PLXNA4: variants seen among roughly 807,000 people sequenced by gnomAD.
PLXNA4 encodes the protein plexin A4, also known as plexin-A4.
PLXNA4 carries 44 observed loss-of-function variants against 191.8 expected under a neutral mutation model. The observed-to-expected ratio is 0.23, with a 90% CI of 0.18 to 0.29. The LOEUF is 0.29. Among genes scored for constraint, PLXNA4 ranks in the 10% least tolerant of loss-of-function variants. The pLI, the probability that PLXNA4 is intolerant of heterozygous loss-of-function variation, is 1.00. For missense variants in PLXNA4, 1,800 were observed against 2,488.8 expected (o/e 0.72, Z 5.89); for synonymous variants, 1,082 against 1,009.5 (o/e 1.07, Z -1.36).
intron 4 of PLXNA4, among the ~76,000 whole-genome samples, chr7:132,256,585 G>T (rs2116199935): frequency 6.6e-6 from 1 of 152,252 alleles, no homozygotes; most frequent in Middle Eastern, 3.4e-3. Flanking sequence ...AGGTTAATTG[G>T]CTCCAAACTT....
intron 1 of PLXNA4, among the ~76,000 whole-genome samples, chr7:132,566,405 C>A (rs892487485): frequency 3.9e-5 from 6 of 152,126 alleles, no homozygotes; most frequent in Non-Finnish European, 7.3e-5. Context: ...AGGTCACTAC[C>A]CAGTGGTGGA....
intron 3 of PLXNA4, among the ~76,000 whole-genome samples, chr7:132,359,450 C>T (rs968505272): frequency 3.3e-5 from 5 of 152,038 alleles, no homozygotes; most frequent in African/African-American, 1.2e-4. Context: ...CTCCTGACCT[C>T]AAGTGATCTG....
rs547719651 is a variant in PLXNA4 at position 132,150,699 on chromosome 7, A to C, written c.4661-2053T>G. 2.0e-5 allele frequency among the ~76,000 whole-genome samples: 3 copies of C among 152,366 alleles called. 1 individual carries two copies. The South Asian group carries it at 6.2e-4, about 32-fold the overall frequency. On this transcript the variant is annotated intron_variant, in intron 25 of 31. Coordinates refer to ENST00000321063, the MANE Select transcript of PLXNA4 (RefSeq NM_020911.2). Reference sequence around the variant, plus strand: ...GGTGCCAGTGGAGAGACAGCCCTCTAGCTTAGCAACTGCAAGGGCACTGCT... The same window carrying C: ...GGTGCCAGTGGAGAGACAGCCCTCTCGCTTAGCAACTGCAAGGGCACTGCT...
At chr7:132,273,222 CATTGGAACCTAATGTTGGGGGAAA>C (rs1800142092) in intron 4 of PLXNA4, among the ~76,000 whole-genome samples, 1 of 152,142 alleles carries the variant, frequency 6.6e-6, no homozygotes, top group East Asian at 1.9e-4. Context: ...AAAGTGGAAG[CATTGGAACCTAATGTTGGGGGAAA>C]ATATAATACA....
At chr7:132,532,073 T>A (rs76839838) in intron 1 of PLXNA4, among the ~76,000 whole-genome samples, 5,142 of 152,298 alleles carry the variant, frequency 0.034, 236 homozygotes, top group African/African-American at 0.1. Flanking sequence ...CACCCCAGTG[T>A]TCCAGATGCT....
chr7:132,433,032 G>T (rs921280060), intron 3 of PLXNA4, among the ~76,000 whole-genome samples: 1 of 152,144 alleles, frequency 6.6e-6, no homozygotes, highest in Non-Finnish European at 1.5e-5. Context: ...ACACATAGGA[G>T]GTTTCTGTCT....
chr7:132,310,509 G>C (rs145601551), intron 3 of PLXNA4, among the ~76,000 whole-genome samples: 39 of 152,308 alleles, frequency 2.6e-4, no homozygotes, highest in African/African-American at 8.9e-4. Context: ...CATCCTCAGA[G>C]ACTATCTTCC....
rs144384812 is a variant in PLXNA4, at chr7:132,365,364, T to TGCGTGCGCGCGCGTGCGTGCGCGC, written c.1372-67143_1372-67142insGCGCGCACGCACGCGCGCGCACGC. ...GTGTGTGTGTGTGTGTGTGTGTGCG[T>TGCGTGCGCGCGCGTGCGTGCGCGC]GCGCGCGCATGCATGGGGCAAGAGT... On this transcript the variant is annotated intron_variant, in intron 3 of 31. Transcript: ENST00000321063. Among the ~76,000 whole-genome samples the TGCGTGCGCGCGCGTGCGTGCGCGC allele has an allele frequency of 8.8e-5, 13 of 147,214 alleles. 1 individual carries two copies. Among genetic ancestry groups the TGCGTGCGCGCGCGTGCGTGCGCGC allele is most frequent in the African/African-American group, 3.3e-4 (13 of 39,340 alleles).
intron 22 of PLXNA4, among the ~76,000 whole-genome samples, chr7:132,168,030 A>C (rs1796171902): frequency 6.6e-6 from 1 of 152,212 alleles, no homozygotes; most frequent in African/African-American, 2.4e-5. Context: ...GGTCAAGATT[A>C]AGTAGAAGGG....
chr7:132,489,406 C>T lies in PLXNA4; in HGVS notation c.1257G>A (p.Val419=). Residue 419 remains valine, a synonymous_variant, in exon 3 of 32, where the codon GTG becomes GTA. Coordinates refer to ENST00000321063, the MANE Select transcript of PLXNA4 (RefSeq NM_020911.2). ...MNAPLGVSDM[V]RGIPVFTEDR... The stretch of plus-strand genomic sequence containing the variant: ...CCTCCGTGAAGACGGGAATTCCACG[C>T]ACCATGTCGGACACTCCCAGGGGAG... The T allele has an allele frequency of 6.2e-7, 1 of 1,605,838 alleles. No individual in the cohort carries two copies. The highest frequency in any genetic ancestry group is 8.5e-7 in the Non-Finnish European group (1 of 1,172,984).
chr7:132,309,744 A>C (rs1016203797), intron 3 of PLXNA4, among the ~76,000 whole-genome samples: 1 of 152,130 alleles, frequency 6.6e-6, no homozygotes, highest in African/African-American at 2.4e-5. Flanking sequence ...GGCCCAAAGA[A>C]AACAGAAGTA....
At chr7:132,621,931 T>C (rs1803276008) in intron 2 of PLXNA4, among the ~76,000 whole-genome samples, 1 of 152,252 alleles carries the variant, frequency 6.6e-6, no homozygotes, top group Non-Finnish European at 1.5e-5. Flanking sequence ...ACTCTATTTC[T>C]TGCCCTCTTC....
chr7:132,185,305 A>G lies in PLXNA4; in HGVS notation c.3152T>C (p.Ile1051Thr). ...CGCTTGGGCCAGCTCCTACCTGACA[A>G]TGCTCCATTCTGGCTCAATCCGCAC... ...TIVRIEPEWS[I>T]VSGNTPIAVW... The change falls in exon 16 of 32, where the codon ATT (isoleucine) becomes ACT (threonine). Residue 1051 changes from isoleucine to threonine, a missense_variant. Ile to Thr is a moderately conservative substitution (Grantham distance 89). Around this residue, in one of 6 missense-constraint regions of PLXNA4, gnomAD observed 1,397 missense variants for 1,880.4 expected, o/e 0.74. Coordinates refer to ENST00000321063, the MANE Select transcript of PLXNA4 (RefSeq NM_020911.2). 1 of 1,612,426 alleles carries G rather than the reference A, an allele frequency of 6.2e-7. No homozygotes were observed. The highest frequency in any genetic ancestry group is 8.5e-7 in the Non-Finnish European group (1 of 1,179,214).
In PLXNA4 at chr7:132,133,211, T is replaced by C; in HGVS notation, c.5439-12A>G. 6.2e-7 allele frequency: 1 copy of C among 1,613,462 alleles called. No homozygotes were observed. The highest frequency in any genetic ancestry group is 1.1e-5 in the South Asian group (1 of 91,002). On this transcript the variant is annotated splice_polypyrimidine_tract_variant and intron_variant, in intron 30 of 31. Transcript: ENST00000321063. ...TGTCTGAGTAATACCTGTGGAGGGA[T>C]GGAAATAGGGAGAAGCTGAAGTCGT...
At chr7:132,443,650 C>T (rs1795783808) in intron 3 of PLXNA4, among the ~76,000 whole-genome samples, 1 of 152,128 alleles carries the variant, frequency 6.6e-6, no homozygotes, top group South Asian at 2.1e-4. Flanking sequence ...ACTTGGTCTT[C>T]CTTTAGACAC....
At chr7:132,153,597 G>C (rs1050217615) in intron 25 of PLXNA4, among the ~76,000 whole-genome samples, 1 of 152,118 alleles carries the variant, frequency 6.6e-6, no homozygotes, top group Admixed American at 6.5e-5. Context: ...AGTGTGTGGA[G>C]ATCCATGTAA....
intron 2 of PLXNA4, among the ~76,000 whole-genome samples, chr7:132,618,839 CA>C (rs1278490900): frequency 2.0e-5 from 3 of 151,906 alleles, no homozygotes; most frequent in Non-Finnish European, 2.9e-5. Flanking sequence ...CATTCCTGTC[CA>C]AAAAGATTAC....
intron 3 of PLXNA4, among the ~76,000 whole-genome samples, chr7:132,457,656 T>C (rs767659547): frequency 2.0e-5 from 3 of 152,194 alleles, no homozygotes; most frequent in Non-Finnish European, 2.9e-5. Context: ...GTTGAGGACC[T>C]TGAGATGGAG....
chr7:132,532,198 C>T (rs1196265164), intron 1 of PLXNA4, among the ~76,000 whole-genome samples: 1 of 152,188 alleles, frequency 6.6e-6, no homozygotes, highest in East Asian at 1.9e-4. Context: ...AACTAACTGG[C>T]ACTTGTGCCA....
Sources: allele counts gnomAD v4.1 joint callset (sites outside exome capture counted in the v4.1 genomes callset), GRCh38; gene constraint gnomAD v4.1.1; regional missense constraint gnomAD v4.1.1; transcripts MANE v1.5; gene names NCBI Gene and HGNC (gene_info 2026-07-23, HGNC 2026-07-21).